Variants in ATXN2 observed in about 807,000 individuals in gnomAD.
ATXN2 encodes the protein ataxin-2.
Under a neutral mutation model 138.6 loss-of-function variants are expected in ATXN2, and 37 were observed. That is an observed-to-expected ratio of 0.27 (90% CI 0.21 to 0.35). ATXN2 has a LOEUF of 0.35. Among genes scored for constraint, ATXN2 ranks in the 10% least tolerant of loss-of-function variants. The probability of loss-of-function intolerance (pLI) is 1.00; values close to 1 mark genes in which losing one functional copy is unlikely to be tolerated. For synonymous variants in ATXN2, 549 were observed against 543.7 expected (o/e 1.01, Z -0.13); for missense variants, 1,216 against 1,480.3 (o/e 0.82, Z 2.93).
intron 1 of ATXN2, among the ~76,000 whole-genome samples, chr12:111,594,166 T>C (rs1358917024): frequency 6.6e-6 from 1 of 152,216 alleles, no homozygotes; most frequent in Non-Finnish European, 1.5e-5. Context: ...AAGGACAATA[T>C]GTTTGCTTTA....
chr12:111,566,511 G>A (rs1313895778), intron 1 of ATXN2, among the ~76,000 whole-genome samples: 4 of 151,584 alleles, frequency 2.6e-5, no homozygotes, highest in African/African-American at 9.7e-5. Context: ...ATTCTCTGAT[G>A]GCAAAATAAA....
intron 1 of ATXN2, among the ~76,000 whole-genome samples, chr12:111,562,624 G>A (rs1175950936): frequency 2.0e-5 from 3 of 149,558 alleles, no homozygotes; most frequent in East Asian, 2.0e-4. Flanking sequence ...GGAGGCTGAC[G>A]CAGGAGAACT....
intron 14 of ATXN2, among the ~76,000 whole-genome samples, chr12:111,496,274 G>A (rs1878416209): frequency 6.6e-6 from 1 of 152,176 alleles, no homozygotes; most frequent in Non-Finnish European, 1.5e-5. Flanking sequence ...GCTCATGCCT[G>A]TAATTCCAGC....
rs193922927 is a variant in ATXN2 at position 111,598,978 on chromosome 12, TTGCTGCTGCTGCTGCTGCTGC to T, written c.36_56del (p.Gln22_Gln28del). On this transcript the variant is annotated inframe_deletion, in exon 1 of 25. Transcript: ENST00000673436. This position sits in a 1 kb window ranked among gnomAD's most constrained non-coding sequence, Gnocchi z 4.5. ...GCTGCTGCTGCTGCTGCTGCTGCTG[TTGCTGCTGCTGCTGCTGCTGC>T]TGCTGCTGCTGCTGCTGCTGGGGCT... 2 of 1,292,192 alleles carry T rather than the reference TTGCTGCTGCTGCTGCTGCTGC, an allele frequency of 1.5e-6. No homozygotes were observed. The highest frequency in any genetic ancestry group is 2.1e-6 in the Non-Finnish European group (2 of 974,550). The allele number at this position is 1,292,192 out of a possible 1,614,324, so 80.0% of individuals were successfully genotyped here.
intron 1 of ATXN2, among the ~76,000 whole-genome samples, chr12:111,568,993 TTTG>T (rs1357680889): frequency 2.0e-5 from 1 of 49,448 alleles, no homozygotes; most frequent in Non-Finnish European, 2.9e-5. Flanking sequence ...TAGAGTTTTT[TTTG>T]TTTTGTTTTG....
Position 111,555,633 on chromosome 12 carries a change from C to T in ATXN2, c.288+250G>A, listed in dbSNP as rs557474098. ...AGCATGAGTCAATTAAACCTCTTTC[C>T]TTTATAAATTACCCAGTCTTAGGTA... On this transcript the variant is annotated intron_variant, in intron 2 of 24. Transcript: ENST00000673436. 1.5e-4 allele frequency among the ~76,000 whole-genome samples: 23 copies of T among 152,210 alleles called. 1 individual carries two copies. Among genetic ancestry groups the T allele is most frequent in the Admixed American group, 3.3e-4 (5 of 15,280 alleles).
In ATXN2 at chr12:111,598,160, G is replaced by T. The variant is rs1024144045; in HGVS notation, c.251+624C>A. 2 of 1,100,712 alleles carry T rather than the reference G, an allele frequency of 1.8e-6. No individual in the cohort carries two copies. Among genetic ancestry groups the T allele is most frequent in the Non-Finnish European group, 2.2e-6 (2 of 894,278 alleles). The allele number at this position is 1,100,712 out of a possible 1,614,324, so 68.2% of individuals were successfully genotyped here. ...CTCGGACACGAACGCAGAGGGGTGC[G>T]GGGGCCAAGGCCCACTTGTCTCCAC... On this transcript the variant is annotated intron_variant, in intron 1 of 24. Transcript: ENST00000673436. The surrounding 1 kb of genome is among the most constrained non-coding windows in gnomAD (Gnocchi z 4.5).
chr12:111,513,428 C>A lies in ATXN2; in HGVS notation c.1487G>T (p.Ser496Ile). Residue 496 changes from serine to isoleucine, a missense_variant, in exon 11 of 25, where the codon AGT (serine) becomes ATT (isoleucine). Ser to Ile is a moderately radical substitution (Grantham distance 142). Transcript: ENST00000673436. ...GLEFVSHNPPSEAATPPVART... is the reference protein window; with the variant it reads ...GLEFVSHNPPIEAATPPVART... ...TGCTACTGGAGGAGTAGCTGCTTCA[C>A]TGGGTGGGTTGTGGGATACAAATTC... is the stretch of plus-strand genomic sequence containing the variant. 6.2e-7 allele frequency: 1 copy of A among 1,614,066 alleles called. No homozygotes were observed. The highest frequency in any genetic ancestry group is 8.5e-7 in the Non-Finnish European group (1 of 1,180,020).
chr12:111,504,313 G>A (rs1878970817), intron 14 of ATXN2, among the ~76,000 whole-genome samples: 1 of 151,828 alleles, frequency 6.6e-6, no homozygotes, highest in Admixed American at 6.5e-5. Flanking sequence ...TTTTTTTTGA[G>A]ATGGAGTCTC....
chr12:111,504,838 C>T (rs1392657192), intron 14 of ATXN2, among the ~76,000 whole-genome samples: 1 of 152,038 alleles, frequency 6.6e-6, no homozygotes, highest in Non-Finnish European at 1.5e-5. Flanking sequence ...ATTTGTTTCA[C>T]TTAAAAAAAA....
intron 5 of ATXN2, among the ~76,000 whole-genome samples, chr12:111,541,109 G>T (rs1442108199): frequency 6.7e-6 from 1 of 149,984 alleles, no homozygotes; most frequent in African/African-American, 2.4e-5. Flanking sequence ...CAAATTCACA[G>T]ATTTGCTCCA....
intron 5 of ATXN2, among the ~76,000 whole-genome samples, chr12:111,536,767 T>C (rs1219259676): frequency 6.8e-6 from 1 of 147,132 alleles, no homozygotes; most frequent in Non-Finnish European, 1.5e-5. Flanking sequence ...AAAACCTATG[T>C]CCACACGCAG....
At chr12:111,470,420 T>C (rs1326820140) in intron 19 of ATXN2, 138 bp downstream of exon 19, 16 of 1,165,578 alleles carry the variant, frequency 1.4e-5, no homozygotes, top group Non-Finnish European at 1.8e-5. Flanking sequence ...CGAATATATA[T>C]TGAAAAGGGT....
At chr12:111,461,778 C>G (rs1013527011) in intron 21 of ATXN2, among the ~76,000 whole-genome samples, 7 of 151,858 alleles carry the variant, frequency 4.6e-5, no homozygotes, top group Non-Finnish European at 1.0e-4. Flanking sequence ...AAAAAATTAG[C>G]TGGGTGTGGC....
At chr12:111,573,575 G>A (rs971146439) in intron 1 of ATXN2, among the ~76,000 whole-genome samples, 1 of 152,154 alleles carries the variant, frequency 6.6e-6, no homozygotes, top group African/African-American at 2.4e-5. Context: ...CAAAGACTTT[G>A]AAATCTCACA....
intron 1 of ATXN2, among the ~76,000 whole-genome samples, chr12:111,560,579 G>T (rs1433970915): frequency 2.0e-5 from 3 of 152,112 alleles, no homozygotes; most frequent in African/African-American, 7.2e-5. Context: ...TGCATCCCAA[G>T]AAAACTAGCA....
rs532542023 is a variant in ATXN2, at chr12:111,504,331, C to T, written c.1935+5218G>A. Among the ~76,000 whole-genome samples, 9 of 152,226 alleles carry T rather than the reference C, an allele frequency of 5.9e-5. No individual in the cohort carries two copies. In the East Asian group the frequency reaches 1.2e-3, roughly 20 times the overall value. On this transcript the variant is annotated intron_variant, in intron 14 of 24. Coordinates refer to ENST00000673436, the MANE Select transcript of ATXN2 (RefSeq NM_001372574.1). ...TTTTTGAGATGGAGTCTCACTCTGT[C>T]GCCCACACTGGAGTGCATGATCTCA... is the stretch of plus-strand genomic sequence containing the variant.
chr12:111,464,571 A>G, intron 21 of ATXN2, 91 bp downstream of exon 21: 1 of 982,902 alleles, frequency 1.0e-6, no homozygotes, highest in South Asian at 1.8e-5. Flanking sequence ...CACAAGGAAA[A>G]TATTGTTCAA....
intron 5 of ATXN2, among the ~76,000 whole-genome samples, chr12:111,534,294 G>A (rs893138373): frequency 2.6e-5 from 4 of 151,892 alleles, no homozygotes; most frequent in Non-Finnish European, 4.4e-5. Context: ...CCAGGTACTC[G>A]GGAGGCTGAG....
Sources: gnomAD v4.1 joint callset for allele counts (sites outside exome capture counted in the v4.1 genomes callset) on GRCh38, gnomAD v4.1.1 for gene constraint, Gnocchi (gnomAD v3.1) non-coding constraint, MANE v1.5 for transcripts, NCBI Gene and HGNC (gene_info 2026-07-23, HGNC 2026-07-21) for gene names.